The following RNF150 variants were observed in gnomAD, a reference collection of about 807,000 sequenced individuals.
RNF150 encodes the protein ring finger protein 150.
RNF150 carries 24 observed loss-of-function variants against 39.3 expected under a neutral mutation model. The observed-to-expected ratio is 0.61, with a 90% confidence interval of 0.44 to 0.86. The LOEUF is 0.86. RNF150 is among the 40% of genes least tolerant of loss of function. RNF150 has a pLI of 0.00. For synonymous variants in RNF150, 255 were observed against 227.3 expected (o/e 1.12, Z -1.10); for missense variants, 502 against 587.8 (o/e 0.85, Z 1.51).
At chr4:141,064,958 T>G (rs1578686931) in intron 1 of RNF150, among the ~76,000 whole-genome samples, 1 of 152,134 alleles carries the variant, frequency 6.6e-6, no homozygotes, top group Non-Finnish European at 1.5e-5. Context: ...CTCTGCCTCC[T>G]AGGTTCAAGC....
At chr4:141,037,468 T>C (rs1376212654) in intron 1 of RNF150, among the ~76,000 whole-genome samples, 1 of 152,196 alleles carries the variant, frequency 6.6e-6, no homozygotes, top group East Asian at 1.9e-4. Context: ...TATAAGCTGT[T>C]GAGAATATTA....
chr4:141,098,277 T>C (rs1006486352), intron 1 of RNF150, among the ~76,000 whole-genome samples: 9 of 152,230 alleles, frequency 5.9e-5, no homozygotes, highest in African/African-American at 1.2e-4. Flanking sequence ...TATTTCCTAA[T>C]GGCTACTCTT....
intron 5 of RNF150, among the ~76,000 whole-genome samples, chr4:140,915,908 C>T (rs1560964246): frequency 5.3e-5 from 8 of 152,290 alleles, no homozygotes; most frequent in South Asian, 4.1e-4. Context: ...TGTTCTGCAG[C>T]CACCGCTGCT....
intron 1 of RNF150, among the ~76,000 whole-genome samples, chr4:141,016,870 G>T (rs1376355470): frequency 6.6e-6 from 1 of 152,116 alleles, no homozygotes; most frequent in East Asian, 1.9e-4. Context: ...GCCCAGTTCT[G>T]CTCCCTCTGG....
At chr4:141,108,994 A>G (rs376477267) in intron 1 of RNF150, among the ~76,000 whole-genome samples, 2 of 152,282 alleles carry the variant, frequency 1.3e-5, no homozygotes, top group African/African-American at 4.8e-5. Flanking sequence ...CCCCATCTAT[A>G]AAGTCAGAAT....
chr4:141,181,405 C>A (rs1303802999), intron 1 of RNF150, among the ~76,000 whole-genome samples: 1 of 152,148 alleles, frequency 6.6e-6, no homozygotes, highest in Non-Finnish European at 1.5e-5. Context: ...TTGACCTGAA[C>A]TACTTAAAGT....
At chr4:141,181,300 G>A (rs1727904632) in intron 1 of RNF150, among the ~76,000 whole-genome samples, 1 of 152,192 alleles carries the variant, frequency 6.6e-6, no homozygotes, top group Admixed American at 6.5e-5. Flanking sequence ...AGTGTGTAAT[G>A]TATAAAGTTA....
intron 1 of RNF150, among the ~76,000 whole-genome samples, chr4:140,994,817 T>A (rs767386011): frequency 1.1e-4 from 16 of 152,182 alleles, no homozygotes; most frequent in Non-Finnish European, 1.9e-4. Context: ...TTATGTTCAA[T>A]CTATAAGTCT....
chr4:141,211,614 G>C (rs1728467054), intron 1 of RNF150, among the ~76,000 whole-genome samples: 1 of 151,456 alleles, frequency 6.6e-6, no homozygotes, highest in African/African-American at 2.4e-5. Flanking sequence ...TTTTCCACTT[G>C]TTGCTAAGAA....
In RNF150 at chr4:141,132,490, T is replaced by C. The variant is rs1235010255; in HGVS notation, c.319A>G (p.Lys107Glu). The C allele has an allele frequency of 1.2e-6, 2 of 1,607,410 alleles. No individual in the cohort carries two copies. Among genetic ancestry groups the C allele is most frequent in the Admixed American group, 3.4e-5 (2 of 59,112 alleles). ...HDRLACDPNT[K>E]FAAPTRGKNW... Reference sequence around the variant, plus strand: ...TTGCCGCGGGTCGGGGCGGCGAACTTGGTGTTGGGGTCGCAGGCCAGGCGG... The same window carrying C: ...TTGCCGCGGGTCGGGGCGGCGAACTCGGTGTTGGGGTCGCAGGCCAGGCGG... Residue 107 changes from lysine to glutamate, a missense_variant, in exon 1 of 7, where the codon AAG (lysine) becomes GAG (glutamate). Physicochemically the swap from Lys to Glu is moderately conservative, Grantham distance 56. Transcript: ENST00000515673. The surrounding 1 kb of genome is among the most constrained non-coding windows in gnomAD (Gnocchi z 4.9).
chr4:141,185,959 C>G (rs367693793), intron 1 of RNF150, among the ~76,000 whole-genome samples: 1 of 152,156 alleles, frequency 6.6e-6, no homozygotes, highest in African/African-American at 2.4e-5. Context: ...ATTTTTGCAT[C>G]GATGTTCATC....
At chr4:141,172,729 G>T (rs1727750090) in intron 1 of RNF150, among the ~76,000 whole-genome samples, 1 of 152,108 alleles carries the variant, frequency 6.6e-6, no homozygotes, top group Non-Finnish European at 1.5e-5. Context: ...CTTAATTTAT[G>T]AAAACTAGGA....
At chr4:140,887,631 C>T (rs1282476893) in intron 6 of RNF150, among the ~76,000 whole-genome samples, 2 of 152,108 alleles carry the variant, frequency 1.3e-5, no homozygotes, top group Admixed American at 6.6e-5. Context: ...ACTGCTTGTA[C>T]AAGTGTCACC....
intron 2 of RNF150, among the ~76,000 whole-genome samples, chr4:140,964,534 G>T (rs1733158635): frequency 6.6e-6 from 1 of 151,794 alleles, no homozygotes; most frequent in Non-Finnish European, 1.5e-5. Flanking sequence ...AATTATAATG[G>T]CAACGTAATG....
intron 1 of RNF150, among the ~76,000 whole-genome samples, chr4:141,051,965 G>T (rs1339894086): frequency 6.6e-6 from 1 of 152,198 alleles, no homozygotes; most frequent in Non-Finnish European, 1.5e-5. Flanking sequence ...GTTCCATGTG[G>T]CTGGGGAGTC....
chr4:141,000,004 AGAAGAAGAAGAAG>A lies in RNF150; in HGVS notation c.485-32144_485-32132del, dbSNP rs1734562328. ...AGAAGAAAAGAAGAAAAGAAGAAGAAGAAGAAGAAGAAGAAGAAGAAGAAGAAGAAGAAGAAGA... is the reference window on the plus strand; with the variant it reads ...AGAAGAAAAGAAGAAAAGAAGAAGAAAAGAAGAAGAAGAAGAAGAAGAAGA... On this transcript the variant is annotated intron_variant, in intron 1 of 6. Transcript: ENST00000515673. Among the ~76,000 whole-genome samples, 3 of 33,942 alleles carry A rather than the reference AGAAGAAGAAGAAG, an allele frequency of 8.8e-5. 1 individual carries two copies. The highest frequency in any genetic ancestry group is 2.8e-4 in the African/African-American group (3 of 10,612). 22.3% of individuals were successfully genotyped at this position (33,942 alleles called of 152,430 possible).
chr4:140,963,175 A>G (rs933586956), intron 2 of RNF150, among the ~76,000 whole-genome samples: 3 of 152,060 alleles, frequency 2.0e-5, no homozygotes, highest in African/African-American at 7.2e-5. Context: ...AGCAATAAAA[A>G]TGTTTTTAAA....
rs191032413 is a variant in RNF150 at position 140,989,598 on chromosome 4, C to T, written c.485-21725G>A. On this transcript the variant is annotated intron_variant, in intron 1 of 6. Transcript: ENST00000515673. ...ACATGATGACCTTACAAACTGATGT[C>T]ATTTTGCAGAAACTAAGCTTCCAGA... Among the ~76,000 whole-genome samples the T allele has an allele frequency of 1.6e-4, 24 of 152,272 alleles. No individual in the cohort carries two copies. The East Asian group carries it at 4.4e-3, about 28-fold the overall frequency.
chr4:140,890,469 TA>T (rs1408543052), intron 6 of RNF150, among the ~76,000 whole-genome samples: 1 of 152,224 alleles, frequency 6.6e-6, no homozygotes. Flanking sequence ...GTTGAAAGCT[TA>T]AACCCCAATA....
Sources: allele counts gnomAD v4.1 joint callset (sites outside exome capture counted in the v4.1 genomes callset), GRCh38; gene constraint gnomAD v4.1.1; non-coding constraint Gnocchi (gnomAD v3.1); transcripts MANE v1.5; gene names NCBI Gene and HGNC (gene_info 2026-07-23, HGNC 2026-07-21).